CD48: variants seen among roughly 807,000 people sequenced by gnomAD.
CD48 encodes the protein CD48 molecule, also known as CD48 antigen.
A neutral mutation model predicts 22.0 loss-of-function variants in CD48; 20 were observed. That is an observed-to-expected ratio of 0.91 (90% CI 0.64 to 1.32). CD48 has a LOEUF of 1.32. Ranked by LOEUF, CD48 falls within the 40% of genes most tolerant of loss-of-function variation. The pLI is 0.00. For synonymous variants in CD48, 110 were observed against 110.1 expected, an observed-to-expected ratio of 1.00 and a Z score of 0.01; for missense variants, 307 against 286.5, an observed-to-expected ratio of 1.07 and a Z score of -0.52.
In CD48 at chr1:160,685,210, G is replaced by C. The variant is rs1456711855; in HGVS notation, c.83-21C>G. On this transcript the variant is annotated intron_variant, in intron 1 of 3. Coordinates refer to ENST00000368046, the MANE Select transcript of CD48 (RefSeq NM_001778.4). ...GTGACCTGCCAATGAGATTCAGAGT[G>C]AGACCTGCGCTAGAGGAGGCAGTGT... 2.5e-6 allele frequency: 4 copies of C among 1,585,726 alleles called. No individual in the cohort carries two copies. The East Asian group carries it at 9.0e-5, about 36-fold the overall frequency.
intron 2 of CD48, among the ~76,000 whole-genome samples, chr1:160,683,181 C>A (rs142530645): frequency 6.6e-6 from 1 of 152,214 alleles, no homozygotes; most frequent in Non-Finnish European, 1.5e-5. Flanking sequence ...AGCCTCATAT[C>A]TTACACTCCT....
intron 1 of CD48, among the ~76,000 whole-genome samples, chr1:160,704,086 A>T (rs1662719202): frequency 6.6e-6 from 1 of 152,202 alleles, no homozygotes; most frequent in African/African-American, 2.4e-5. Flanking sequence ...TTTAGAAGCA[A>T]GTTATTAGAA....
chr1:160,689,170 T>G (rs1287786575), intron 1 of CD48, among the ~76,000 whole-genome samples: 1 of 152,188 alleles, frequency 6.6e-6, no homozygotes, highest in Non-Finnish European at 1.5e-5. Context: ...ATTGAGTTTC[T>G]AGGTGGATGC....
At chr1:160,700,708 G>A (rs1662602565) in intron 1 of CD48, among the ~76,000 whole-genome samples, 1 of 152,176 alleles carries the variant, frequency 6.6e-6, no homozygotes, top group East Asian at 1.9e-4. Flanking sequence ...CAGTGCATAG[G>A]TTGGAATGCC....
At chr1:160,682,022 A>G (rs979171521) in intron 2 of CD48, among the ~76,000 whole-genome samples, 1 of 152,244 alleles carries the variant, frequency 6.6e-6, no homozygotes, top group Non-Finnish European at 1.5e-5. Flanking sequence ...TGTAACTTCC[A>G]GCCGCATCAA....
chr1:160,693,296 G>T (rs1374009732), intron 1 of CD48, among the ~76,000 whole-genome samples: 1 of 152,284 alleles, frequency 6.6e-6, no homozygotes, highest in East Asian at 1.9e-4. Flanking sequence ...CAGTGAAAAA[G>T]CCCGTAAGGT....
intron 1 of CD48, among the ~76,000 whole-genome samples, chr1:160,710,499 T>C (rs1662915742): frequency 6.6e-6 from 1 of 152,094 alleles, no homozygotes; most frequent in South Asian, 2.1e-4. Context: ...GAAGAATAAA[T>C]GACCAAGATG....
chr1:160,693,117 T>C (rs1332297498), intron 1 of CD48, among the ~76,000 whole-genome samples: 1 of 152,272 alleles, frequency 6.6e-6, no homozygotes, highest in Non-Finnish European at 1.5e-5. Context: ...CAAGCATTAA[T>C]GCAAAATGAG....
intron 1 of CD48, among the ~76,000 whole-genome samples, chr1:160,694,763 T>C: frequency 6.6e-6 from 1 of 152,122 alleles, no homozygotes; most frequent in East Asian, 1.9e-4. Flanking sequence ...TTTTTAGGGG[T>C]GACCACTGTA....
chr1:160,681,483 G>T lies in CD48; in HGVS notation c.386-15C>A. On this transcript the variant is annotated splice_polypyrimidine_tract_variant and intron_variant, in intron 2 of 3. Coordinates refer to ENST00000368046, the MANE Select transcript of CD48 (RefSeq NM_001778.4). The stretch of plus-strand genomic sequence containing the variant: ...GGGTACAGGGTCTGAAAGTGAGGAG[G>T]ATGTTATAAGATGAGACAGTGAGGC... 1 of 1,610,614 alleles carries T rather than the reference G, an allele frequency of 6.2e-7. No homozygotes were observed. The highest frequency in any genetic ancestry group is 8.5e-7 in the Non-Finnish European group (1 of 1,177,994).
At chr1:160,693,976 C>G (rs199643981) in intron 1 of CD48, among the ~76,000 whole-genome samples, 1 of 111,976 alleles carries the variant, frequency 8.9e-6, no homozygotes, top group African/African-American at 3.1e-5. Flanking sequence ...TACAAGCAGT[C>G]TCTCTGCTTC....
chr1:160,696,687 G>A (rs1662439719), intron 1 of CD48, among the ~76,000 whole-genome samples: 1 of 123,808 alleles, frequency 8.1e-6, no homozygotes, highest in African/African-American at 3.0e-5. Flanking sequence ...TGTCACGCAT[G>A]TACCTTCATT....
chr1:160,706,076 T>TATATATATA lies in CD48; in HGVS notation c.82+5597_82+5605dup, dbSNP rs539544180. Among the ~76,000 whole-genome samples the TATATATATA allele has an allele frequency of 2.4e-3, 367 of 152,098 alleles. 14 individuals are homozygous for TATATATATA. The South Asian group carries it at 0.074, about 31-fold the overall frequency. ...GTAGTAACACCAGACAGATCACTTA[T>TATATATATA]ATATATATAATTTTTTTTATGGAGT... On this transcript the variant is annotated intron_variant, in intron 1 of 3. Coordinates refer to ENST00000368046, the MANE Select transcript of CD48 (RefSeq NM_001778.4).
chr1:160,706,426 T>A lies in CD48; in HGVS notation c.82+5256A>T, dbSNP rs144623926. 8.7e-3 allele frequency among the ~76,000 whole-genome samples: 1,326 copies of A among 152,220 alleles called. 19 individuals carry two copies. Among genetic ancestry groups the A allele is most frequent in the African/African-American group, 0.03 (1,260 of 41,506 alleles). On this transcript the variant is annotated intron_variant, in intron 1 of 3. Coordinates refer to ENST00000368046, the MANE Select transcript of CD48 (RefSeq NM_001778.4). The stretch of plus-strand genomic sequence containing the variant: ...ACAGGTAAGCATACAGTATTGTATC[T>A]TTCTTCTCTCCCTCCTTAACCACCC...
chr1:160,710,038 G>C (rs532957695), intron 1 of CD48, among the ~76,000 whole-genome samples: 2 of 152,326 alleles, frequency 1.3e-5, no homozygotes, highest in East Asian at 3.9e-4. Context: ...GCAGGAGGGA[G>C]AGAAATCTAG....
Position 160,681,239 on chromosome 1 carries a change from C to G in CD48, c.615G>C (p.Lys205Asn), listed in dbSNP as rs1661790517. ...GTGGACTGAGGCAGACCGTGCCATT[C>G]TTGCTGCTCACAGAATTGCTGACTT... ...TCQVSNSVSSKNGTVCLSPPC... is the reference protein window; with the variant it reads ...TCQVSNSVSSNNGTVCLSPPC... Residue 205 changes from lysine to asparagine, a missense_variant, in exon 3 of 4, where the codon AAG becomes AAC. Coordinates refer to ENST00000368046, the MANE Select transcript of CD48 (RefSeq NM_001778.4). 6.2e-7 allele frequency: 1 copy of G among 1,614,098 alleles called. No individual in the cohort carries two copies. Among genetic ancestry groups the G allele is most frequent in the Non-Finnish European group, 8.5e-7 (1 of 1,180,032 alleles).
intron 2 of CD48, among the ~76,000 whole-genome samples, 195 bp from the exon 3 acceptor site, chr1:160,681,663 G>A (rs563146196): frequency 1.1e-4 from 17 of 152,282 alleles, no homozygotes; most frequent in South Asian, 2.1e-4. Flanking sequence ...CTGCAAGAGC[G>A]GCTTCTAGGC....
At chr1:160,705,337 C>T (rs1280112607) in intron 1 of CD48, among the ~76,000 whole-genome samples, 1 of 152,174 alleles carries the variant, frequency 6.6e-6, no homozygotes, top group Non-Finnish European at 1.5e-5. Context: ...AAGTTCAACC[C>T]TCATACATGT....
chr1:160,711,184 G>C (rs1210468677), intron 1 of CD48, among the ~76,000 whole-genome samples: 2 of 152,158 alleles, frequency 1.3e-5, no homozygotes, highest in Non-Finnish European at 2.9e-5. Context: ...ACCCCAGACA[G>C]CAATCCTTTC....
Sources: allele counts gnomAD v4.1 joint callset (sites outside exome capture counted in the v4.1 genomes callset), GRCh38; gene constraint gnomAD v4.1.1; transcripts MANE v1.5; gene names NCBI Gene and HGNC (gene_info 2026-07-23, HGNC 2026-07-21).